GPC5: variants seen among roughly 807,000 people sequenced by gnomAD.
GPC5 encodes glypican-5.
Under a neutral mutation model 53.9 loss-of-function variants are expected in GPC5, and 47 were observed. The observed-to-expected ratio is 0.87, with a 90% CI of 0.69 to 1.11. GPC5 has a LOEUF of 1.11. GPC5 is among the 50% of genes most tolerant of loss of function. The pLI, the probability that GPC5 is intolerant of heterozygous loss-of-function variation, is 0.00. For synonymous variants in GPC5, 286 were observed against 263.3 expected, an observed-to-expected ratio of 1.09 and a Z score of -0.84; for missense variants, 748 against 713.1, an observed-to-expected ratio of 1.05 and a Z score of -0.56.
At chr13:92,494,139 G>C (rs1454279791) in intron 7 of GPC5, among the ~76,000 whole-genome samples, 15 of 151,958 alleles carry the variant, frequency 9.9e-5, no homozygotes, top group Non-Finnish European at 1.9e-4. Context: ...GCCCAGGCTG[G>C]AGTGCAGTGG....
intron 7 of GPC5, among the ~76,000 whole-genome samples, chr13:92,743,910 C>A (rs948404300): frequency 1.3e-5 from 2 of 152,042 alleles, no homozygotes; most frequent in Non-Finnish European, 2.9e-5. Flanking sequence ...TATGTTGAAC[C>A]AGCCTTGCAC....
At chr13:92,527,213 GAA>G (rs1491335229) in intron 7 of GPC5, among the ~76,000 whole-genome samples, 9 of 30,380 alleles carry the variant, frequency 3.0e-4, no homozygotes, top group African/African-American at 2.3e-3. Context: ...AAGAAAGAAA[GAA>G]AGAAAGAAAG....
At chr13:92,643,888 C>A (rs1227817346) in intron 7 of GPC5, among the ~76,000 whole-genome samples, 2 of 151,442 alleles carry the variant, frequency 1.3e-5, no homozygotes, top group African/African-American at 4.8e-5. Flanking sequence ...AAAAAAAGAA[C>A]ACACACACAC....
At chr13:92,792,462 G>A (rs1167317084) in intron 7 of GPC5, among the ~76,000 whole-genome samples, 1 of 152,074 alleles carries the variant, frequency 6.6e-6, no homozygotes, top group Non-Finnish European at 1.5e-5. Context: ...GACCATCGAT[G>A]CTACAAAGAA....
chr13:92,192,197 G>A (rs148232007), intron 7 of GPC5, among the ~76,000 whole-genome samples: 16 of 152,232 alleles, frequency 1.1e-4, no homozygotes, highest in East Asian at 9.6e-4. Context: ...CTCAGAGAAC[G>A]TACAATACCA....
intron 5 of GPC5, among the ~76,000 whole-genome samples, chr13:91,835,484 T>A (rs546520644): frequency 6.3e-4 from 96 of 152,040 alleles, no homozygotes; most frequent in Non-Finnish European, 1.2e-3. Flanking sequence ...TTGGAACCAA[T>A]CCAAATGCCC....
intron 7 of GPC5, among the ~76,000 whole-genome samples, chr13:92,364,818 T>C (rs896300468): frequency 1.4e-4 from 22 of 151,874 alleles, no homozygotes; most frequent in African/African-American, 5.1e-4. Context: ...CAATAAAGGA[T>C]TTAGCATTGA....
At chr13:91,938,125 G>T (rs2039888299) in intron 6 of GPC5, among the ~76,000 whole-genome samples, 1 of 151,976 alleles carries the variant, frequency 6.6e-6, no homozygotes, top group African/African-American at 2.4e-5. Context: ...TTGCTAAAAA[G>T]GAATATCTGA....
intron 7 of GPC5, among the ~76,000 whole-genome samples, chr13:92,590,439 C>G (rs1365523303): frequency 6.6e-6 from 1 of 152,204 alleles, no homozygotes; most frequent in Non-Finnish European, 1.5e-5. Flanking sequence ...GCACAGGAGA[C>G]CTTTCCCAAC....
chr13:91,909,888 G>A lies in GPC5; in HGVS notation c.1401+1831G>A, dbSNP rs1237894684. Among the ~76,000 whole-genome samples, 3 of 152,226 alleles carry A rather than the reference G, an allele frequency of 2.0e-5. No individual in the cohort carries two copies. In the South Asian group the frequency reaches 6.2e-4, roughly 32 times the overall value. On this transcript the variant is annotated intron_variant, in intron 6 of 7. Coordinates refer to ENST00000377067, the MANE Select transcript of GPC5 (RefSeq NM_004466.6). ...TCAAAGCCATAGCCTTTTCAAGGGG[G>A]CAGAGGGAAGTCATCCTACCTTTCT... is the stretch of plus-strand genomic sequence containing the variant.
Position 92,144,950 on chromosome 13 carries a change from G to C in GPC5, c.1522G>C (p.Gly508Arg). 1.3e-6 allele frequency: 2 copies of C among 1,573,690 alleles called. No homozygotes were observed. The highest frequency in any genetic ancestry group is 1.7e-6 in the Non-Finnish European group (2 of 1,163,514). The change falls in exon 7 of 8, where the codon GGA becomes CGA. Residue 508 changes from glycine (G) to arginine (R), a missense_variant. Physicochemically the swap from Gly to Arg is moderately radical, Grantham distance 125. Coordinates refer to ENST00000377067, the MANE Select transcript of GPC5 (RefSeq NM_004466.6). ...CDDEDGCGGS[G>R]SGEVKRTLKI... ...TGATGAAGATGGTTGCGGGGGATCA[G>C]GAAGTGGAGAAGTCAAGAGGACACT...
intron 7 of GPC5, among the ~76,000 whole-genome samples, chr13:92,419,993 C>T (rs1042961044): frequency 6.6e-6 from 1 of 152,072 alleles, no homozygotes; most frequent in Non-Finnish European, 1.5e-5. Context: ...TCTTTTTGAC[C>T]TCTCCACCTA....
In GPC5 at chr13:91,571,776, C is replaced by CGTGTGTGTATGTAT. The variant is rs1566515124; in HGVS notation, c.326-121411_326-121410insGTGTGTGTATGTAT. 2.1e-3 allele frequency among the ~76,000 whole-genome samples: 170 copies of CGTGTGTGTATGTAT among 82,128 alleles called. 28 individuals are homozygous for CGTGTGTGTATGTAT. Among genetic ancestry groups the CGTGTGTGTATGTAT allele is most frequent in the African/African-American group, 0.013 (152 of 11,628 alleles). The allele number at this position is 82,128 out of a possible 152,430, so 53.9% of individuals were successfully genotyped here. On this transcript the variant is annotated intron_variant, in intron 2 of 7. Coordinates refer to ENST00000377067, the MANE Select transcript of GPC5 (RefSeq NM_004466.6). Reference sequence around the variant, plus strand: ...ACATATACATGTGTATGTGTATATACACACACATATACGTGTGTGTATATA... The same window carrying CGTGTGTGTATGTAT: ...ACATATACATGTGTATGTGTATATACGTGTGTGTATGTATACACACATATACGTGTGTGTATATA...
chr13:91,820,987 A>T lies in GPC5; in HGVS notation c.1280+64567A>T, dbSNP rs577229424. On this transcript the variant is annotated intron_variant, in intron 5 of 7. Transcript: ENST00000377067. ...CAAAAAAAAAATAAACAAATAAAAT[A>T]AAAAAAAAAAAGAATGTACTTCCAG... is the stretch of plus-strand genomic sequence containing the variant. Among the ~76,000 whole-genome samples, 933 of 103,918 alleles carry T rather than the reference A, an allele frequency of 9.0e-3. 14 individuals carry two copies. Among genetic ancestry groups the T allele is most frequent in the African/African-American group, 0.034 (834 of 24,230 alleles). The allele number at this position is 103,918 out of a possible 152,430, so 68.2% of individuals were successfully genotyped here.
At chr13:92,700,508 C>T (rs1887699561) in intron 7 of GPC5, among the ~76,000 whole-genome samples, 2 of 151,936 alleles carry the variant, frequency 1.3e-5, no homozygotes, top group Admixed American at 6.6e-5. Flanking sequence ...TTATTTTGCC[C>T]ACTAGTTGAT....
chr13:92,233,585 G>A (rs566375874), intron 7 of GPC5, among the ~76,000 whole-genome samples: 10 of 152,160 alleles, frequency 6.6e-5, no homozygotes, highest in Non-Finnish European at 1.0e-4. Context: ...TGTATCTGAT[G>A]TGGTGCTATA....
At chr13:92,116,935 T>C (rs1308157792) in intron 6 of GPC5, among the ~76,000 whole-genome samples, 55 of 152,258 alleles carry the variant, frequency 3.6e-4, no homozygotes, top group Admixed American at 3.4e-3. Context: ...ATATTCGGAA[T>C]ACAGTTTCTT....
chr13:91,945,361 T>C (rs956079139), intron 6 of GPC5, among the ~76,000 whole-genome samples: 1 of 152,230 alleles, frequency 6.6e-6, no homozygotes, highest in African/African-American at 2.4e-5. Context: ...TTTCTGGCTA[T>C]CTCTTCCCCA....
At chr13:91,614,157 G>C (rs778653746) in intron 2 of GPC5, among the ~76,000 whole-genome samples, 3 of 152,192 alleles carry the variant, frequency 2.0e-5, no homozygotes, top group Non-Finnish European at 4.4e-5. Flanking sequence ...AGTCGAGTGG[G>C]AGATGCAATC....
Sources: gnomAD v4.1 joint callset for allele counts (sites outside exome capture counted in the v4.1 genomes callset) on GRCh38, gnomAD v4.1.1 for gene constraint, MANE v1.5 for transcripts, NCBI Gene and HGNC (gene_info 2026-07-23, HGNC 2026-07-21) for gene names.